Variants in SETD1B observed in about 807,000 individuals in gnomAD.
SETD1B encodes SET domain containing 1B, histone lysine methyltransferase.
In SETD1B, 7 loss-of-function variants were observed where a neutral mutation model predicts 148.0. That is an observed-to-expected ratio of 0.05 (90% CI 0.03 to 0.09). The LOEUF is 0.09. Among genes scored for constraint, SETD1B ranks in the 10% least tolerant of loss-of-function variants. SETD1B has a pLI of 1.00. For missense variants in SETD1B, 2,155 were observed against 2,729.9 expected (o/e 0.79, Z 4.69); for synonymous variants, 1,361 against 1,186.5 (o/e 1.15, Z -3.02).
In SETD1B at chr12:121,815,332, C is replaced by T. The variant is rs544662478; in HGVS notation, c.2715+402C>T. Among the ~76,000 whole-genome samples the T allele has an allele frequency of 2.6e-5, 4 of 152,212 alleles. No homozygotes were observed. The South Asian group carries it at 8.3e-4, about 32-fold the overall frequency. On this transcript the variant is annotated intron_variant, in intron 7 of 16. Transcript: ENST00000604567. ...AATTAAAACTCCTCCTTTGTACATG[C>T]CACATTTCAAGTGCTCGGGAGCCAC...
chr12:121,791,157 G>A, the SETD1B span, among the ~76,000 whole-genome samples: 2 of 151,800 alleles, frequency 1.3e-5, no homozygotes, highest in African/African-American at 2.4e-5. Context: ...ATGTAGTCTC[G>A]CCCTGTCACC....
At chr12:121,816,149 T>C (rs2137564411) in intron 7 of SETD1B, among the ~76,000 whole-genome samples, 2 of 152,264 alleles carry the variant, frequency 1.3e-5, no homozygotes, top group South Asian at 2.1e-4. Flanking sequence ...TTTTAACATA[T>C]TATTTGCCTG....
intron 7 of SETD1B, 147 bp downstream of exon 7, chr12:121,815,077 A>G: frequency 1.3e-6 from 1 of 751,220 alleles, no homozygotes; most frequent in Non-Finnish European, 2.1e-6. Flanking sequence ...GCCACTTTCA[A>G]AGTTCCGCAA....
chr12:121,815,620 C>T (rs920876479), intron 7 of SETD1B, among the ~76,000 whole-genome samples: 10 of 152,150 alleles, frequency 6.6e-5, no homozygotes, highest in African/African-American at 2.4e-4. Context: ...AAGGGATCCT[C>T]TCACCTCAGC....
At chr12:121,792,602 A>G in the SETD1B span, among the ~76,000 whole-genome samples, 14 of 152,248 alleles carry the variant, frequency 9.2e-5, no homozygotes, top group Admixed American at 2.0e-4. Context: ...CAGAACCACC[A>G]ACTGCAAGCC....
At chr12:121,799,731 T>TGGGGGG (rs1308261766), upstream of SETD1B, 43 of 31,730 alleles carry the variant, frequency 1.4e-3, 1 homozygote, top group African/African-American at 3.9e-3. Flanking sequence ...GGGGGGGGGG[T>TGGGGGG]GGGGTGGGGC....
chr12:121,806,225 C>A, intron 4 of SETD1B, 120 bp downstream of exon 4: 3 of 1,121,524 alleles, frequency 2.7e-6, no homozygotes, highest in Non-Finnish European at 3.8e-6. Flanking sequence ...CCCCCACAAC[C>A]TTATTTCTTA....
intron 7 of SETD1B, 137 bp downstream of exon 7, chr12:121,815,067 G>A: frequency 1.2e-6 from 1 of 822,604 alleles, no homozygotes; most frequent in Non-Finnish European, 1.9e-6. Flanking sequence ...ATTTCATGTG[G>A]CCACTTTCAA....
Position 121,825,243 on chromosome 12 carries a change from C to T in SETD1B, c.5214C>T (p.Gly1738=), listed in dbSNP as rs1442994165. Residue 1738 remains glycine (G), a synonymous_variant, in exon 13 of 17, where the codon GGC becomes GGT. Coordinates refer to ENST00000604567, the MANE Select transcript of SETD1B (RefSeq NM_001353345.2). ...CTAAGAAGAAGAAACGGGACGATGG[C>T]ATCCGCGAGCACGTGACGGGCTGTG... The part of the protein sequence containing the change: ...SSAKKKKRDD[G]IREHVTGCAR... 6 of 1,551,728 alleles carry T rather than the reference C, an allele frequency of 3.9e-6. No individual in the cohort carries two copies. The highest frequency in any genetic ancestry group is 4.4e-6 in the Non-Finnish European group (5 of 1,147,030).
At chr12:121,796,441 G>A in the SETD1B span, among the ~76,000 whole-genome samples, 2 of 152,350 alleles carry the variant, frequency 1.3e-5, no homozygotes, top group South Asian at 4.1e-4. Flanking sequence ...CCACTGCTGT[G>A]TTGTCAGAGC....
rs574590466 is a variant in SETD1B, at chr12:121,822,968, C to T, written c.4389C>T (p.Ala1463=). The T allele has an allele frequency of 3.1e-5, 47 of 1,537,566 alleles. No homozygotes were observed. The highest frequency in any genetic ancestry group is 1.7e-4 in the Middle Eastern group (1 of 5,938). The part of the protein sequence containing the change: ...GRRDERSGPL[A]SPVLLETGLP... The stretch of plus-strand genomic sequence containing the variant: ...GCGATGAACGCTCCGGGCCCCTGGC[C>T]TCCCCGGTGCTCCTGGAGACGGGCC... The change falls in exon 12 of 17, where the codon GCC becomes GCT. Residue 1463 remains alanine (A), a synonymous_variant. Transcript: ENST00000604567.
At chr12:121,824,368 C>T (rs184573236) in intron 12 of SETD1B, among the ~76,000 whole-genome samples, 120 of 152,294 alleles carry the variant, frequency 7.9e-4, no homozygotes, top group African/African-American at 2.6e-3. Context: ...GCTCAAGTGC[C>T]GGGCACCATG....
Position 121,823,376 on chromosome 12 carries a change from A to G in SETD1B, c.4797A>G (p.Val1599=), listed in dbSNP as rs1270242091. 2 of 870,112 alleles carry G rather than the reference A, an allele frequency of 2.3e-6. No individual in the cohort carries two copies. The highest frequency in any genetic ancestry group is 2.7e-6 in the Non-Finnish European group (2 of 727,788). 53.9% of individuals were successfully genotyped at this position (870,112 alleles called of 1,614,324 possible). Residue 1599 remains valine (V), a synonymous_variant, in exon 12 of 17, where the codon GTA becomes GTG. Coordinates refer to ENST00000604567, the MANE Select transcript of SETD1B (RefSeq NM_001353345.2). ...CCCCACCCCCACCTCCCCCACCTGT[A>G]GAGCCCACCAAGCTGCCCTTTAAGG... The part of the protein sequence containing the change: ...QPPPPPPPPP[V]EPTKLPFKEL...
chr12:121,809,391 G>A (rs921599585), intron 5 of SETD1B, among the ~76,000 whole-genome samples: 1 of 152,088 alleles, frequency 6.6e-6, no homozygotes, highest in African/African-American at 2.4e-5. Flanking sequence ...GACCCTCAAG[G>A]TTCCCTGAAC....
rs1337021095 is a variant in SETD1B, at chr12:121,810,020, G to A, written c.1075G>A (p.Gly359Ser). ...GGACCTCCCGTTCGGAGCAGTCGGC[G>A]GCACTGGGGGCAGCAGCGGTCCCCC... ...SSDLPFGAVGGTGGSSGPPFK... is the reference protein window; with the variant it reads ...SSDLPFGAVGSTGGSSGPPFK... The change falls in exon 6 of 17, where the codon GGC (glycine) becomes AGC (serine). Residue 359 changes from glycine (G) to serine (S), a missense_variant. Coordinates refer to ENST00000604567, the MANE Select transcript of SETD1B (RefSeq NM_001353345.2). The surrounding 1 kb of genome is among the most constrained non-coding windows in gnomAD (Gnocchi z 7.6). 7 of 1,550,338 alleles carry A rather than the reference G, an allele frequency of 4.5e-6. No individual in the cohort carries two copies. Among genetic ancestry groups the A allele is most frequent in the East Asian group, 2.4e-5 (1 of 40,914 alleles).
the SETD1B span, chr12:121,793,309 G>A: frequency 2.7e-6 from 4 of 1,466,488 alleles, no homozygotes; most frequent in South Asian, 1.2e-5. Flanking sequence ...TGAATCCACT[G>A]TCCACCCCCC....
rs1236105304 is a variant in SETD1B at position 121,804,678 on chromosome 12, G to A, written c.-14-46G>A. 1.1e-5 allele frequency: 17 copies of A among 1,510,490 alleles called. 1 individual carries two copies. The South Asian group carries it at 1.3e-4, about 12-fold the overall frequency. The allele number at this position is 1,510,490 out of a possible 1,614,324, so 93.6% of individuals were successfully genotyped here. ...CTTTCGCGTGTGTGTAGAAGCGGCC[G>A]CCGCCGCCGCCGCGGCGGAGACGAC... On this transcript the variant is annotated intron_variant, in intron 1 of 16. Transcript: ENST00000604567. This position sits in a 1 kb window ranked among gnomAD's most constrained non-coding sequence, Gnocchi z 4.6.
At position 121,805,843 on chromosome 12, in the gene SETD1B, G is replaced by C. The variant is rs1271211149; in HGVS notation, c.282G>C (p.Glu94Asp). 20 of 1,551,448 alleles carry C rather than the reference G, an allele frequency of 1.3e-5. No individual in the cohort carries two copies. Among genetic ancestry groups the C allele is most frequent in the Non-Finnish European group, 5.2e-6 (6 of 1,146,946 alleles). Residue 94 changes from glutamate (E) to aspartate (D), a missense_variant, in exon 4 of 17, where the codon GAG becomes GAC. This residue lies in a region of SETD1B where 124 missense variants were observed against 282.9 expected (regional missense o/e 0.44). Transcript: ENST00000604567. This position sits in a 1 kb window ranked among gnomAD's most constrained non-coding sequence, Gnocchi z 4.2. ...CCCTCGGCCCCTGCCAGATCGATGA[G>C]TTCTACGTGGGCCCGGTGCCTCCGA... ...ELSVPKFKIDEFYVGPVPPKQ... is the reference protein window; with the variant it reads ...ELSVPKFKIDDFYVGPVPPKQ...
intron 6 of SETD1B, among the ~76,000 whole-genome samples, chr12:121,811,741 C>T (rs1225069910): frequency 1.3e-5 from 2 of 152,130 alleles, no homozygotes; most frequent in Non-Finnish European, 2.9e-5. Flanking sequence ...CTGCCCCCTT[C>T]TTGGGCCCTT....
Sources: allele counts gnomAD v4.1 joint callset (sites outside exome capture counted in the v4.1 genomes callset), GRCh38; gene constraint gnomAD v4.1.1; regional missense constraint gnomAD v4.1.1; non-coding constraint Gnocchi (gnomAD v3.1); transcripts MANE v1.5; gene names NCBI Gene and HGNC (gene_info 2026-07-23, HGNC 2026-07-21).